Variants in AASS observed in about 807,000 individuals in gnomAD.
The protein encoded by AASS is aminoadipate-semialdehyde synthase.
A neutral mutation model predicts 105.4 loss-of-function variants in AASS; 86 were observed. The observed-to-expected ratio is 0.82, with a 90% CI of 0.69 to 0.98. AASS has a LOEUF of 0.98. Ranked by LOEUF, AASS falls within the 50% of genes least tolerant of loss-of-function variation. The pLI is 0.00. For missense variants in AASS, 1,048 were observed against 1,143.2 expected (o/e 0.92, Z 1.20); for synonymous variants, 381 against 394.8 (o/e 0.96, Z 0.41).
At chr7:122,105,704 A>C (rs569618660) in intron 11 of AASS, among the ~76,000 whole-genome samples, 1 of 152,130 alleles carries the variant, frequency 6.6e-6, no homozygotes, top group African/African-American at 2.4e-5. Context: ...CAACCTACCA[A>C]AACCTATGGG....
At chr7:122,091,510 A>G (rs2150515606) in intron 18 of AASS, among the ~76,000 whole-genome samples, 193 bp downstream of exon 18, 1 of 152,328 alleles carries the variant, frequency 6.6e-6, no homozygotes, top group African/African-American at 2.4e-5. Flanking sequence ...AAGAATAGGC[A>G]CAGGCTTTGC....
intron 11 of AASS, among the ~76,000 whole-genome samples, chr7:122,103,271 T>C (rs1040404440): frequency 6.6e-6 from 1 of 152,000 alleles, no homozygotes; most frequent in African/African-American, 2.4e-5. Context: ...GATTTCTCAG[T>C]AGAAATCCTG....
chr7:122,126,588 T>A, intron 3 of AASS, 129 bp from the exon 4 acceptor site: 1 of 770,816 alleles, frequency 1.3e-6, no homozygotes, highest in South Asian at 1.4e-5. Flanking sequence ...TAACAGAAGC[T>A]ACCATCAGGT....
At chr7:122,140,935 G>C (rs368801712) in intron 1 of AASS, among the ~76,000 whole-genome samples, 1 of 151,980 alleles carries the variant, frequency 6.6e-6, no homozygotes, top group Admixed American at 6.6e-5. Context: ...AAGAAGCACT[G>C]GTGTCTGTAA....
At chr7:122,109,977 C>T (rs567365690) in intron 11 of AASS, among the ~76,000 whole-genome samples, 1 of 151,872 alleles carries the variant, frequency 6.6e-6, no homozygotes, top group South Asian at 2.1e-4. Context: ...ATAATACAAT[C>T]AAAAATGGGC....
At chr7:122,139,150 A>G (rs1489683314) in intron 1 of AASS, among the ~76,000 whole-genome samples, 12 of 152,346 alleles carry the variant, frequency 7.9e-5, no homozygotes, top group Admixed American at 6.5e-4. Context: ...TAATATTTAA[A>G]TTATAATGAA....
chr7:122,109,509 A>G (rs1264536604), intron 11 of AASS, among the ~76,000 whole-genome samples: 1 of 152,076 alleles, frequency 6.6e-6, no homozygotes, highest in Non-Finnish European at 1.5e-5. Context: ...ATCTATATCC[A>G]CCAGTTTTGG....
intron 11 of AASS, among the ~76,000 whole-genome samples, chr7:122,105,808 A>T (rs1351994775): frequency 1.3e-5 from 2 of 152,044 alleles, no homozygotes; most frequent in African/African-American, 2.4e-5. Context: ...CCAATGTTGC[A>T]CCTCAAGGAC....
chr7:122,082,628 A>G (rs1250606936), intron 19 of AASS, among the ~76,000 whole-genome samples: 1 of 152,172 alleles, frequency 6.6e-6, no homozygotes, highest in Non-Finnish European at 1.5e-5. Context: ...CTTCATCCCA[A>G]TGCCCACTTC....
At chr7:122,100,349 A>T (rs1455343792) in intron 13 of AASS, among the ~76,000 whole-genome samples, 1 of 151,880 alleles carries the variant, frequency 6.6e-6, no homozygotes, top group Non-Finnish European at 1.5e-5. Context: ...AAACAAACAG[A>T]TGTGAAGTTT....
At chr7:122,129,620 CA>C (rs1178331970) in intron 2 of AASS, 83 bp from the exon 3 acceptor site, 1 of 1,269,678 alleles carries the variant, frequency 7.9e-7, no homozygotes, top group African/African-American at 1.5e-5. Context: ...AGCAAAGGCA[CA>C]ACAAATCTTT....
In AASS at chr7:122,074,402, T is replaced by C. The variant is rs751234428; in HGVS notation, c.*2087A>G. Reference sequence around the variant, plus strand: ...AATTCCTCCCTTAACTAATACATGATTTTAAAAAAAATTATCTCATTCTGT... The same window carrying C: ...AATTCCTCCCTTAACTAATACATGACTTTAAAAAAAATTATCTCATTCTGT... On this transcript the variant is annotated 3_prime_UTR_variant, in exon 24 of 24. Coordinates refer to ENST00000417368, the MANE Select transcript of AASS (RefSeq NM_005763.4). Among the ~76,000 whole-genome samples the C allele has an allele frequency of 5.9e-5, 9 of 152,204 alleles. No individual in the cohort carries two copies. The highest frequency in any genetic ancestry group is 1.2e-4 in the Non-Finnish European group (8 of 68,030).
chr7:122,114,311 C>T (rs1277096468), intron 9 of AASS, among the ~76,000 whole-genome samples: 1 of 152,170 alleles, frequency 6.6e-6, no homozygotes, highest in Non-Finnish European at 1.5e-5. Context: ...TCTCCTCATT[C>T]CTCCCTTTAA....
rs576492609 is a variant in AASS at position 122,074,849 on chromosome 7, A to C, written c.*1640T>G. Among the ~76,000 whole-genome samples the C allele has an allele frequency of 6.6e-6, 1 of 150,992 alleles. No individual in the cohort carries two copies. The highest frequency in any genetic ancestry group is 2.0e-4 in the East Asian group (1 of 5,090). On this transcript the variant is annotated 3_prime_UTR_variant, in exon 24 of 24. Transcript: ENST00000417368. ...TATTTTACTCTTTCTGATGCTGTCA[A>C]TTTTTTTCTTTTCTTTTTTGTTTTT...
At chr7:122,101,064 T>C (rs1794402586) in intron 13 of AASS, among the ~76,000 whole-genome samples, 1 of 151,836 alleles carries the variant, frequency 6.6e-6, no homozygotes, top group Non-Finnish European at 1.5e-5. Flanking sequence ...CATGATCATG[T>C]ATCAAAAGCT....
At chr7:122,110,768 A>C (rs1291704435) in intron 11 of AASS, among the ~76,000 whole-genome samples, 1 of 146,702 alleles carries the variant, frequency 6.8e-6, no homozygotes, top group Non-Finnish European at 1.5e-5. Context: ...TAATGTGGAG[A>C]TATATATATA....
Position 122,081,626 on chromosome 7 carries a change from A to C in AASS, c.2185-31T>G, listed in dbSNP as rs141097099. On this transcript the variant is annotated intron_variant, in intron 19 of 23. Transcript: ENST00000417368. ...ACAAGAATTAATAAGCAGTATATAA[A>C]ATTTTTCTCTTCCAATGAAAAAACT... is the stretch of plus-strand genomic sequence containing the variant. 9.3e-5 allele frequency: 140 copies of C among 1,512,424 alleles called. No individual in the cohort carries two copies. The East Asian group carries it at 3.0e-3, about 32-fold the overall frequency. The allele number at this position is 1,512,424 out of a possible 1,614,324, so 93.7% of individuals were successfully genotyped here.
intron 4 of AASS, among the ~76,000 whole-genome samples, chr7:122,121,844 T>C (rs1302475544): frequency 6.6e-6 from 1 of 152,098 alleles, no homozygotes; most frequent in Admixed American, 6.6e-5. Flanking sequence ...TTTATCAGCT[T>C]TCATTTGACC....
chr7:122,118,769 T>C, intron 4 of AASS, 139 bp from the exon 5 acceptor site: 1 of 854,034 alleles, frequency 1.2e-6, no homozygotes, highest in Admixed American at 2.0e-5. Flanking sequence ...CCTCAGTAGA[T>C]TGTATCCATC....
Sources: allele counts gnomAD v4.1 joint callset (sites outside exome capture counted in the v4.1 genomes callset), GRCh38; gene constraint gnomAD v4.1.1; transcripts MANE v1.5; gene names NCBI Gene and HGNC (gene_info 2026-07-23, HGNC 2026-07-21).